ADCY8: variants seen among roughly 807,000 people sequenced by gnomAD.
The protein encoded by ADCY8 is adenylate cyclase type 8.
A neutral mutation model predicts 119.7 loss-of-function variants in ADCY8; 51 were observed. The ratio of observed to expected loss-of-function variants is 0.43; its 90% CI spans 0.34 to 0.54. The LOEUF (loss-of-function observed/expected upper bound fraction) is 0.54, where lower values mean the gene tolerates loss of function less well. Ranked by LOEUF, ADCY8 falls within the 20% of genes least tolerant of loss-of-function variation. The pLI is 0.03. For synonymous variants in ADCY8, 665 were observed against 651.0 expected (o/e 1.02, Z -0.33); for missense variants, 1,383 against 1,598.8 (o/e 0.87, Z 2.30).
At chr8:130,917,022 G>A (rs1351924474) in intron 5 of ADCY8, among the ~76,000 whole-genome samples, 1 of 152,164 alleles carries the variant, frequency 6.6e-6, no homozygotes, top group Non-Finnish European at 1.5e-5. Context: ...ATTTCACAAA[G>A]TGCTTCCCAA....
chr8:130,983,532 G>C (rs983611311), intron 2 of ADCY8, among the ~76,000 whole-genome samples: 1 of 152,130 alleles, frequency 6.6e-6, no homozygotes, highest in African/African-American at 2.4e-5. Flanking sequence ...ATAGACGTGC[G>C]GGGCATCTTT....
chr8:130,867,269 G>C (rs529126255), intron 9 of ADCY8, among the ~76,000 whole-genome samples: 2 of 152,266 alleles, frequency 1.3e-5, no homozygotes, highest in South Asian at 4.1e-4. Flanking sequence ...TTCCTGGGTT[G>C]AATCTAGGCA....
At chr8:130,983,112 G>A (rs1434525778) in intron 2 of ADCY8, among the ~76,000 whole-genome samples, 1 of 152,114 alleles carries the variant, frequency 6.6e-6, no homozygotes, top group Non-Finnish European at 1.5e-5. Context: ...TACCTCAAAA[G>A]GGATAATAAA....
chr8:130,992,425 A>ATATATATATATATT (rs1563759152), intron 1 of ADCY8, among the ~76,000 whole-genome samples: 1 of 125,450 alleles, frequency 8.0e-6, no homozygotes, highest in African/African-American at 3.4e-5. Context: ...ATATATATAT[A>ATATATATATATATT]TATATTTGAG....
At chr8:130,869,772 C>T (rs1445745160) in intron 8 of ADCY8, among the ~76,000 whole-genome samples, 2 of 151,824 alleles carry the variant, frequency 1.3e-5, no homozygotes, top group East Asian at 3.9e-4. Flanking sequence ...CTGCCTCGGC[C>T]TCCCAAAGGG....
chr8:130,940,140 A>C (rs1820913550), intron 4 of ADCY8, among the ~76,000 whole-genome samples: 1 of 152,214 alleles, frequency 6.6e-6, no homozygotes, highest in African/African-American at 2.4e-5. Flanking sequence ...CCACTTTCTA[A>C]GTCACGTGTC....
At chr8:130,832,174 G>C (rs1563683279) in intron 12 of ADCY8, among the ~76,000 whole-genome samples, 1 of 152,132 alleles carries the variant, frequency 6.6e-6, no homozygotes, top group Non-Finnish European at 1.5e-5. Context: ...TGAGGAAGAT[G>C]GGTCTCTAGT....
intron 7 of ADCY8, among the ~76,000 whole-genome samples, chr8:130,902,200 G>T (rs1488057510): frequency 6.6e-6 from 1 of 152,114 alleles, no homozygotes; most frequent in Non-Finnish European, 1.5e-5. Context: ...TTCAGGATGA[G>T]GCATGCATTT....
chr8:131,030,751 A>C (rs77016883), intron 1 of ADCY8, among the ~76,000 whole-genome samples: 2 of 152,232 alleles, frequency 1.3e-5, no homozygotes, highest in African/African-American at 4.8e-5. Context: ...TCTATTCAAT[A>C]GTTATTCCAC....
At chr8:130,950,605 C>T (rs1257368272) in intron 3 of ADCY8, among the ~76,000 whole-genome samples, 2 of 152,254 alleles carry the variant, frequency 1.3e-5, no homozygotes, top group African/African-American at 4.8e-5. Flanking sequence ...ATGCCTTTCA[C>T]TCTGTGGCCT....
intron 5 of ADCY8, among the ~76,000 whole-genome samples, chr8:130,931,489 A>C (rs1006506353): frequency 6.6e-6 from 1 of 152,092 alleles, no homozygotes; most frequent in Non-Finnish European, 1.5e-5. Flanking sequence ...ACCTTTTTCC[A>C]AGTTTGGAAT....
intron 1 of ADCY8, among the ~76,000 whole-genome samples, chr8:130,997,953 T>C (rs1475325543): frequency 6.6e-6 from 1 of 152,212 alleles, no homozygotes; most frequent in Non-Finnish European, 1.5e-5. Context: ...TTAATCATTT[T>C]TTCCTGCCCT....
At chr8:130,807,603 C>T (rs112237770) in intron 14 of ADCY8, among the ~76,000 whole-genome samples, 4,936 of 152,250 alleles carry the variant, frequency 0.032, 268 homozygotes, top group African/African-American at 0.11. Flanking sequence ...AAACAAGGGC[C>T]CACACCAGAC....
At chr8:131,039,250 G>T in intron 1 of ADCY8, 124 bp downstream of exon 1, 1 of 1,349,970 alleles carries the variant, frequency 7.4e-7, no homozygotes, top group Non-Finnish European at 1.0e-6. Context: ...TAGGTACAAG[G>T]CACTGTGCCA....
chr8:130,794,307 C>T (rs1421762298), intron 15 of ADCY8, among the ~76,000 whole-genome samples: 4 of 152,134 alleles, frequency 2.6e-5, no homozygotes, highest in Non-Finnish European at 4.4e-5. Context: ...TGCAGTGGTG[C>T]GATCTCGGCT....
chr8:130,858,565 G>A (rs1817823563), intron 9 of ADCY8, among the ~76,000 whole-genome samples: 1 of 152,042 alleles, frequency 6.6e-6, no homozygotes, highest in Non-Finnish European at 1.5e-5. Flanking sequence ...CCCTGGCTGA[G>A]GTAGTGCTTG....
chr8:130,804,887 C>T (rs1255412661), intron 14 of ADCY8, among the ~76,000 whole-genome samples: 1 of 152,164 alleles, frequency 6.6e-6, no homozygotes, highest in African/African-American at 2.4e-5. Context: ...GCTGGGGTTA[C>T]AGGCGCCTGC....
At chr8:131,017,386 T>C (rs1396934523) in intron 1 of ADCY8, among the ~76,000 whole-genome samples, 1 of 152,186 alleles carries the variant, frequency 6.6e-6, no homozygotes, top group African/African-American at 2.4e-5. Context: ...TCCATGATTC[T>C]AAAGTCAGAG....
chr8:130,856,422 C>T (rs1299759402), intron 9 of ADCY8, among the ~76,000 whole-genome samples: 1 of 152,076 alleles, frequency 6.6e-6, no homozygotes, highest in Admixed American at 6.6e-5. Flanking sequence ...GAGGAAGCAA[C>T]AGACACGGCC....
Sources: allele counts gnomAD v4.1 joint callset (sites outside exome capture counted in the v4.1 genomes callset), GRCh38; gene constraint gnomAD v4.1.1; transcripts MANE v1.5; gene names NCBI Gene and HGNC (gene_info 2026-07-23, HGNC 2026-07-21).